The following ERICH1 variants were observed in gnomAD, a reference collection of about 807,000 sequenced individuals.
ERICH1 encodes glutamate-rich protein 1.
ERICH1 carries 56 observed loss-of-function variants against 39.6 expected under a neutral mutation model. The observed-to-expected ratio is 1.41, with a 90% CI of 1.14 to 1.77. ERICH1 has a LOEUF of 1.77. ERICH1 is among the 40% of genes most tolerant of loss of function. The pLI is 0.00. For missense variants in ERICH1, 826 were observed against 575.4 expected, an observed-to-expected ratio of 1.44 and a Z score of -4.45; for synonymous variants, 313 against 223.6, an observed-to-expected ratio of 1.40 and a Z score of -3.57.
At chr8:615,635 A>C (rs965371616) in intron 3 of ERICH1, 4 of 198,206 alleles carry the variant, frequency 2.0e-5, no homozygotes, top group Non-Finnish European at 4.0e-5. Context: ...CTGACCCTTC[A>C]CCATTGGAAA....
At chr8:666,931 A>G in intron 5 of ERICH1, 1 of 152,920 alleles carries the variant, frequency 6.5e-6, no homozygotes, top group Non-Finnish European at 1.5e-5. Flanking sequence ...CCCTCTCAGC[A>G]GGTCCTCAGC....
intron 2 of ERICH1, among the ~76,000 whole-genome samples, chr8:715,510 G>A (rs1037892536): frequency 1.3e-5 from 2 of 152,244 alleles, no homozygotes; most frequent in African/African-American, 2.4e-5. Flanking sequence ...GGGCCAAGGG[G>A]GCCACCACAG....
At chr8:649,989 G>C (rs1187577907) in intron 3 of ERICH1, among the ~76,000 whole-genome samples, 1 of 152,234 alleles carries the variant, frequency 6.6e-6, no homozygotes, top group Non-Finnish European at 1.5e-5. Flanking sequence ...GGGCTGCAGA[G>C]CCTGAGCACC....
At chr8:655,209 C>A (rs1800476709) in intron 3 of ERICH1, among the ~76,000 whole-genome samples, 1 of 152,228 alleles carries the variant, frequency 6.6e-6, no homozygotes, top group Admixed American at 6.5e-5. Context: ...GCCTTTCTAA[C>A]AGCAAGGACT....
At chr8:630,923 C>A (rs1312548815) in intron 3 of ERICH1, among the ~76,000 whole-genome samples, 1 of 151,220 alleles carries the variant, frequency 6.6e-6, no homozygotes, top group African/African-American at 2.4e-5. Context: ...CCCGTGACCA[C>A]CCACACAGAC....
At chr8:704,616 A>G (rs567937586) in intron 2 of ERICH1, among the ~76,000 whole-genome samples, 26 of 152,226 alleles carry the variant, frequency 1.7e-4, no homozygotes, top group Non-Finnish European at 3.7e-4. Flanking sequence ...ATACTGATGT[A>G]CAAACATTTT....
chr8:664,495 G>T lies in ERICH1; in HGVS notation c.*108C>A. ...GAACAAACACGTGAATAAATAATATGGCATAAATGTCTTTCAAGTTCCCAG... is the reference window on the plus strand; with the variant it reads ...GAACAAACACGTGAATAAATAATATTGCATAAATGTCTTTCAAGTTCCCAG... On this transcript the variant is annotated 3_prime_UTR_variant, in exon 6 of 6. Coordinates refer to ENST00000262109, the MANE Select transcript of ERICH1 (RefSeq NM_207332.3). 7.3e-7 allele frequency: 1 copy of T among 1,377,318 alleles called. No homozygotes were observed. The highest frequency in any genetic ancestry group is 2.1e-5 in the South Asian group (1 of 46,812). 85.3% of individuals were successfully genotyped at this position (1,377,318 alleles called of 1,614,324 possible). A position where few individuals can be genotyped will look rare whatever the true frequency, so the allele number is the denominator to read the frequency against.
chr8:631,863 C>T (rs1798061611), intron 3 of ERICH1, among the ~76,000 whole-genome samples: 2 of 152,206 alleles, frequency 1.3e-5, no homozygotes, highest in African/African-American at 4.8e-5. Flanking sequence ...ACCCCCGCCC[C>T]AGGCCTTTGC....
rs1178143182 is a variant in ERICH1 at position 646,413 on chromosome 8, A to G, written c.976+22185T>C. On this transcript the variant is annotated intron_variant, in intron 3 of 3. Coordinates refer to the ERICH1 transcript ENST00000522706. ...AGAGTAACAATTTAAGTCCTAGAAAAATCTTTAGCTCTCACAAAGACTAAA... is the reference window on the plus strand; with the variant it reads ...AGAGTAACAATTTAAGTCCTAGAAAGATCTTTAGCTCTCACAAAGACTAAA... 2.9e-5 allele frequency among the ~76,000 whole-genome samples: 2 copies of G among 69,314 alleles called. 1 individual carries two copies. Among genetic ancestry groups the G allele is most frequent in the African/African-American group, 7.3e-5 (2 of 27,578 alleles). The allele number at this position is 69,314 out of a possible 152,430, so 45.5% of individuals were successfully genotyped here.
Position 673,620 on chromosome 8 carries a change from C to A in ERICH1, c.732G>T (p.Arg244=), listed in dbSNP as rs1333382571. The change falls in exon 4 of 6, where the codon CGG becomes CGT. Residue 244 remains arginine (R), a synonymous_variant. Transcript: ENST00000262109. ...CGTCCGCACCCTCTTCCTGCCTGGC[C>A]CGTGTCAGGTCTTCCTCGCTAGCGT... is the stretch of plus-strand genomic sequence containing the variant. The part of the protein sequence containing the change: ...GADASEEDLT[R]ARQEEGADAS... The A allele has an allele frequency of 6.4e-7, 1 of 1,556,396 alleles. No individual in the cohort carries two copies. The highest frequency in any genetic ancestry group is 2.3e-5 in the East Asian group (1 of 44,392).
intron 2 of ERICH1, among the ~76,000 whole-genome samples, chr8:702,351 T>G (rs1313509293): frequency 6.6e-6 from 1 of 152,094 alleles, no homozygotes; most frequent in Non-Finnish European, 1.5e-5. Flanking sequence ...GCGAGTCAAG[T>G]GAGCACACAG....
intron 4 of ERICH1, among the ~76,000 whole-genome samples, chr8:673,022 C>T (rs1436493015): frequency 6.6e-6 from 1 of 152,236 alleles, no homozygotes; most frequent in African/African-American, 2.4e-5. Context: ...GCACAGCTGG[C>T]CAGGGCCACC....
At chr8:650,940 C>T (rs1799867130) in intron 3 of ERICH1, among the ~76,000 whole-genome samples, 3 of 152,162 alleles carry the variant, frequency 2.0e-5, no homozygotes, top group South Asian at 2.1e-4. Context: ...GTCACCAAGG[C>T]GGTGTATAAA....
intron 3 of ERICH1, among the ~76,000 whole-genome samples, chr8:629,451 T>A (rs797015880): frequency 0.079 from 3,094 of 39,042 alleles, 39 homozygotes; most frequent in Middle Eastern, 0.11. Context: ...CAGAGCTGAC[T>A]CACACGCTCC....
At chr8:690,057 G>C (rs1808556498) in intron 3 of ERICH1, among the ~76,000 whole-genome samples, 1 of 152,194 alleles carries the variant, frequency 6.6e-6, no homozygotes. Context: ...AGGTTTACTG[G>C]CTTCTGGAGA....
chr8:627,156 C>T (rs1172511995), intron 3 of ERICH1: 1 of 456,302 alleles, frequency 2.2e-6, no homozygotes, highest in Admixed American at 2.3e-5. Flanking sequence ...GCAGCAGACC[C>T]AGGTCTGAGC....
intron 3 of ERICH1, among the ~76,000 whole-genome samples, chr8:682,820 G>C (rs991997283): frequency 6.6e-6 from 1 of 152,196 alleles, no homozygotes; most frequent in African/African-American, 2.4e-5. Flanking sequence ...GTGAAAGTAG[G>C]CTAGGCATTT....
chr8:730,457 A>C (rs568982111), intron 1 of ERICH1, among the ~76,000 whole-genome samples: 29 of 152,354 alleles, frequency 1.9e-4, no homozygotes, highest in Admixed American at 1.6e-3. Context: ...ATTCATGTCA[A>C]AAACCGCCAC....
At chr8:693,495 C>T (rs913602896) in intron 2 of ERICH1, among the ~76,000 whole-genome samples, 1 of 152,232 alleles carries the variant, frequency 6.6e-6, no homozygotes, top group African/African-American at 2.4e-5. Context: ...CAGAGGTCGT[C>T]GCCACTGCAG....
Sources: allele counts gnomAD v4.1 joint callset (sites outside exome capture counted in the v4.1 genomes callset), GRCh38; gene constraint gnomAD v4.1.1; transcripts MANE v1.5; gene names NCBI Gene and HGNC (gene_info 2026-07-23, HGNC 2026-07-21).